The following ERGIC2 variants were observed in gnomAD, a reference collection of about 807,000 sequenced individuals.
ERGIC2 encodes endoplasmic reticulum-Golgi intermediate compartment protein 2.
ERGIC2 carries 31 observed loss-of-function variants against 52.5 expected under a neutral mutation model. That is an observed-to-expected ratio of 0.59 (90% CI 0.44 to 0.80). ERGIC2 has a LOEUF of 0.80. ERGIC2 is among the 30% of genes least tolerant of loss of function. ERGIC2 has a pLI of 0.00. For missense variants in ERGIC2, 395 were observed against 455.2 expected, an observed-to-expected ratio of 0.87 and a Z score of 1.20; for synonymous variants, 129 against 140.6, an observed-to-expected ratio of 0.92 and a Z score of 0.58.
intron 10 of ERGIC2, among the ~76,000 whole-genome samples, chr12:29,345,945 TCAAA>T (rs1940045885): frequency 6.6e-6 from 1 of 151,908 alleles, no homozygotes; most frequent in African/African-American, 2.4e-5. Flanking sequence ...AGAACCTGTC[TCAAA>T]CAAATAAAAA....
chr12:29,372,171 A>G (rs1221840250), intron 1 of ERGIC2, among the ~76,000 whole-genome samples: 4 of 151,764 alleles, frequency 2.6e-5, no homozygotes, highest in South Asian at 2.1e-4. Context: ...GGAAAACCCC[A>G]TCTCTACTAA....
intron 10 of ERGIC2, among the ~76,000 whole-genome samples, chr12:29,348,585 T>TCC (rs1264370188): frequency 2.6e-5 from 4 of 152,038 alleles, no homozygotes; most frequent in African/African-American, 9.6e-5. Flanking sequence ...TATAATGTAC[T>TCC]CCTTCTATGT....
intron 5 of ERGIC2, among the ~76,000 whole-genome samples, chr12:29,364,510 C>G (rs1940331863): frequency 6.6e-6 from 1 of 151,900 alleles, no homozygotes; most frequent in Non-Finnish European, 1.5e-5. Flanking sequence ...TAGAAGAAAA[C>G]CTAGAAAACA....
At chr12:29,349,354 G>A (rs555826158) in intron 9 of ERGIC2, among the ~76,000 whole-genome samples, 177 bp from the exon 10 acceptor site, 28 of 151,850 alleles carry the variant, frequency 1.8e-4, no homozygotes, top group Admixed American at 1.5e-3. Flanking sequence ...AAATATATGC[G>A]AATTAAATGT....
chr12:29,351,761 A>G (rs1940133803), intron 8 of ERGIC2, among the ~76,000 whole-genome samples: 1 of 152,224 alleles, frequency 6.6e-6, no homozygotes, highest in Admixed American at 6.5e-5. Flanking sequence ...CTTACTTGCT[A>G]AACAATGAGG....
rs1032437601 is a variant in ERGIC2, at chr12:29,356,457, G to A, written c.497C>T (p.Ser166Phe). ...GCCATGAATTCTGCATGCATTTGGA[G>A]ACTGTGATGAATCATCTTCTCTGTT... Reference protein sequence around the residue: ...LPPREDDSSQSPNACRIHGHL... With the variant: ...LPPREDDSSQFPNACRIHGHL... Residue 166 changes from serine (S) to phenylalanine (F), a missense_variant, in exon 8 of 14, where the codon TCT (serine) becomes TTT (phenylalanine). Coordinates refer to ENST00000360150, the MANE Select transcript of ERGIC2 (RefSeq NM_016570.3). 1.3e-6 allele frequency: 2 copies of A among 1,586,654 alleles called. No homozygotes were observed. Among genetic ancestry groups the A allele is most frequent in the Non-Finnish European group, 1.7e-6 (2 of 1,155,382 alleles).
intron 10 of ERGIC2, among the ~76,000 whole-genome samples, 163 bp downstream of exon 10, chr12:29,348,916 C>G (rs1466544018): frequency 6.6e-6 from 1 of 151,856 alleles, no homozygotes; most frequent in Non-Finnish European, 1.5e-5. Context: ...ATTCAAATTT[C>G]ATCCACTACT....
chr12:29,379,454 C>A (rs539633880), intron 1 of ERGIC2, among the ~76,000 whole-genome samples: 85 of 152,220 alleles, frequency 5.6e-4, no homozygotes, highest in African/African-American at 2.0e-3. Context: ...ATTAACCACA[C>A]CAATCAGAGT....
chr12:29,353,210 T>C (rs1940156666), intron 8 of ERGIC2, among the ~76,000 whole-genome samples: 1 of 152,210 alleles, frequency 6.6e-6, no homozygotes, highest in African/African-American at 2.4e-5. Context: ...AAGCATTTCC[T>C]GATGCACTGG....
At chr12:29,343,468 T>G (rs1949854114) in intron 11 of ERGIC2, among the ~76,000 whole-genome samples, 186 bp from the exon 12 acceptor site, 1 of 152,194 alleles carries the variant, frequency 6.6e-6, no homozygotes, top group African/African-American at 2.4e-5. Flanking sequence ...TTTGTATTCT[T>G]TGTGTGGTTA....
rs1363046773 is a variant in ERGIC2, at chr12:29,339,424, G to A, written c.*1732C>T. ...AGCATACTTAAAGGACCAACAATCA[G>A]TCTACAATTCTAATCCTTTCCTATT... On this transcript the variant is annotated 3_prime_UTR_variant, in exon 14 of 14. Coordinates refer to ENST00000360150, the MANE Select transcript of ERGIC2 (RefSeq NM_016570.3). 6.6e-6 allele frequency: 1 copy of A among 152,032 alleles called. No individual in the cohort carries two copies. The highest frequency in any genetic ancestry group is 2.1e-4 in the South Asian group (1 of 4,832). The allele number at this position is 152,032 out of a possible 1,614,324, so 9.4% of individuals were successfully genotyped here.
rs775376696 is a variant in ERGIC2 at position 29,340,984 on chromosome 12, C to T, written c.*172G>A. ...TCTACGACATTTGTAACAGACACAA[C>T]GTATATAGAATTTCAGTTTGGGTTT... On this transcript the variant is annotated 3_prime_UTR_variant, in exon 14 of 14. Coordinates refer to ENST00000360150, the MANE Select transcript of ERGIC2 (RefSeq NM_016570.3). The T allele has an allele frequency of 1.6e-4, 101 of 615,806 alleles. No homozygotes were observed. Among genetic ancestry groups the T allele is most frequent in the Non-Finnish European group, 2.4e-4 (81 of 344,432 alleles). 38.1% of individuals were successfully genotyped at this position (615,806 alleles called of 1,614,324 possible).
chr12:29,342,491 T>C (rs1565534829), intron 12 of ERGIC2, among the ~76,000 whole-genome samples: 1 of 152,248 alleles, frequency 6.6e-6, no homozygotes, highest in East Asian at 1.9e-4. Context: ...CTCCATCTAA[T>C]ACTGAATAAG....
intron 9 of ERGIC2, among the ~76,000 whole-genome samples, chr12:29,349,378 T>C (rs1940101827): frequency 6.6e-6 from 1 of 151,958 alleles, no homozygotes; most frequent in Non-Finnish European, 1.5e-5. Flanking sequence ...AAATAAATTC[T>C]GACAAAATGC....
intron 11 of ERGIC2, 92 bp from the exon 12 acceptor site, chr12:29,343,374 C>T (rs1949852955): frequency 1.1e-6 from 1 of 923,082 alleles, no homozygotes; most frequent in African/African-American, 1.7e-5. Context: ...CAATATTAAG[C>T]CCTGAAGCCC....
At chr12:29,351,945 TTAAA>T (rs1940136337) in intron 8 of ERGIC2, among the ~76,000 whole-genome samples, 1 of 152,216 alleles carries the variant, frequency 6.6e-6, no homozygotes, top group South Asian at 2.1e-4. Context: ...TTTAGCACAA[TTAAA>T]TAGTGTCATT....
At chr12:29,354,490 A>G (rs563517136) in intron 8 of ERGIC2, among the ~76,000 whole-genome samples, 16 of 152,326 alleles carry the variant, frequency 1.1e-4, no homozygotes, top group African/African-American at 3.6e-4. Context: ...GCATATTGAA[A>G]TACATATTGT....
intron 8 of ERGIC2, among the ~76,000 whole-genome samples, chr12:29,353,245 A>C (rs985934905): frequency 6.6e-6 from 1 of 152,126 alleles, no homozygotes; most frequent in African/African-American, 2.4e-5. Flanking sequence ...TGGTCTCGTA[A>C]ATTCTTCTGT....
Position 29,339,213 on chromosome 12 carries a change from T to G in ERGIC2, c.*1943A>C, listed in dbSNP as rs186171993. 121 of 152,288 alleles carry G rather than the reference T, an allele frequency of 7.9e-4. No homozygotes were observed. The highest frequency in any genetic ancestry group is 3.4e-3 in the Middle Eastern group (1 of 294). The allele number at this position is 152,288 out of a possible 1,614,324, so 9.4% of individuals were successfully genotyped here. The stretch of plus-strand genomic sequence containing the variant: ...CATAGGAGATAAATTTCATTAAAAT[T>G]TTAATATGGTATTTGGAAAATACGA... On this transcript the variant is annotated 3_prime_UTR_variant, in exon 14 of 14. Transcript: ENST00000360150.
Sources: gnomAD v4.1 joint callset for allele counts (sites outside exome capture counted in the v4.1 genomes callset) on GRCh38, gnomAD v4.1.1 for gene constraint, MANE v1.5 for transcripts, NCBI Gene and HGNC (gene_info 2026-07-23, HGNC 2026-07-21) for gene names.